Variants in HOMER2 observed in about 807,000 individuals in gnomAD.
The protein encoded by HOMER2 is homer scaffold protein 2.
A neutral mutation model predicts 47.0 loss-of-function variants in HOMER2; 27 were observed. The observed-to-expected ratio is 0.57, with a 90% CI of 0.42 to 0.79. The LOEUF is 0.79. HOMER2 is among the 30% of genes least tolerant of loss of function. The pLI is 0.00. For missense variants in HOMER2, 443 were observed against 435.0 expected (o/e 1.02, Z -0.16); for synonymous variants, 161 against 163.8 (o/e 0.98, Z 0.13).
At chr15:82,858,231 G>T (rs891489038) in intron 5 of HOMER2, among the ~76,000 whole-genome samples, 2 of 151,908 alleles carry the variant, frequency 1.3e-5, no homozygotes, top group Non-Finnish European at 2.9e-5. Flanking sequence ...AGTTTTGTGT[G>T]ATTTCATATT....
At chr15:82,873,164 C>A (rs1198028089) in intron 3 of HOMER2, among the ~76,000 whole-genome samples, 1 of 152,186 alleles carries the variant, frequency 6.6e-6, no homozygotes, top group African/African-American at 2.4e-5. Flanking sequence ...CCCGGCCCTG[C>A]TGAGCATCCT....
chr15:82,907,412 A>G (rs1329258402), intron 1 of HOMER2, among the ~76,000 whole-genome samples: 1 of 150,410 alleles, frequency 6.6e-6, no homozygotes, highest in Non-Finnish European at 1.5e-5. Context: ...AGAGAAGGAA[A>G]GAAAGAAAGA....
At chr15:82,867,136 G>C (rs1254750597) in intron 3 of HOMER2, among the ~76,000 whole-genome samples, 1 of 152,042 alleles carries the variant, frequency 6.6e-6, no homozygotes, top group Non-Finnish European at 1.5e-5. Context: ...CAAACCTGTA[G>C]CATGATAAAT....
intron 3 of HOMER2, among the ~76,000 whole-genome samples, chr15:82,875,071 G>T (rs547600983): frequency 6.6e-6 from 1 of 152,160 alleles, no homozygotes; most frequent in Non-Finnish European, 1.5e-5. Context: ...TGTTAGATAC[G>T]AATTTCCCTT....
At chr15:82,926,825 T>C (rs1295923599) in intron 1 of HOMER2, among the ~76,000 whole-genome samples, 1 of 152,116 alleles carries the variant, frequency 6.6e-6, no homozygotes, top group Admixed American at 6.5e-5. Context: ...TTCCACCCTT[T>C]TTTCTCTCTC....
At chr15:82,917,818 A>G (rs1024319138) in intron 1 of HOMER2, among the ~76,000 whole-genome samples, 3 of 152,198 alleles carry the variant, frequency 2.0e-5, no homozygotes, top group African/African-American at 7.2e-5. Context: ...TTGGCTTTAA[A>G]ATTATATCAC....
rs1209302213 is a variant in HOMER2, at chr15:82,913,782, G to T, written c.6-20941C>A. On this transcript the variant is annotated intron_variant, in intron 1 of 8. Transcript: ENST00000450735. This position sits in a 1 kb window ranked among gnomAD's most constrained non-coding sequence, Gnocchi z 4.1. The stretch of plus-strand genomic sequence containing the variant: ...ATTCTCAGGTGCCATCTCTTTTCTG[G>T]TCATTTATTTAAAACGTGTACAGGG... Among the ~76,000 whole-genome samples the T allele has an allele frequency of 2.0e-5, 3 of 152,066 alleles. No homozygotes were observed. The highest frequency in any genetic ancestry group is 7.2e-5 in the African/African-American group (3 of 41,398).
chr15:82,839,481 T>C (rs2051155160), exon 2 of HOMER2: 1 of 152,232 alleles, frequency 6.6e-6, no homozygotes, highest in African/African-American at 2.4e-5. Flanking sequence ...ATACAAAGGA[T>C]TTCTGAAAGA....
chr15:82,945,750 C>T (rs577480291), intron 1 of HOMER2, among the ~76,000 whole-genome samples: 120 of 152,108 alleles, frequency 7.9e-4, no homozygotes, highest in African/African-American at 2.8e-3. Context: ...GCGGGCAAAT[C>T]ACGAGGTCAG....
At chr15:82,853,594 C>T (rs1274072444) in intron 6 of HOMER2, among the ~76,000 whole-genome samples, 1 of 152,150 alleles carries the variant, frequency 6.6e-6, no homozygotes, top group African/African-American at 2.4e-5. Flanking sequence ...CCCCCTAAAA[C>T]CCTGCACTGA....
At chr15:82,957,218 A>C (rs1205096023), upstream of HOMER2, among the ~76,000 whole-genome samples, 1 of 151,844 alleles carries the variant, frequency 6.6e-6, no homozygotes, top group Non-Finnish European at 1.5e-5. Context: ...CAGAGGTTGC[A>C]GTGAGCCAAG....
intron 1 of HOMER2, chr15:82,951,907 G>T: frequency 6.8e-6 from 2 of 293,952 alleles, no homozygotes; most frequent in Non-Finnish European, 1.0e-5. Context: ...CGAGGGGAAA[G>T]CTTAAATTAC....
At chr15:82,982,071 A>G (rs1249466642) in intron 1 of HOMER2, among the ~76,000 whole-genome samples, 1 of 152,232 alleles carries the variant, frequency 6.6e-6, no homozygotes, top group Non-Finnish European at 1.5e-5. Context: ...GTCTACAATG[A>G]GTAGAAAAAA....
chr15:82,905,666 T>C (rs2053266032), intron 1 of HOMER2, among the ~76,000 whole-genome samples: 1 of 152,156 alleles, frequency 6.6e-6, no homozygotes, highest in Admixed American at 6.5e-5. Flanking sequence ...GAGTAAAATA[T>C]ATACTGTTAA....
At chr15:82,835,778 A>C (rs559925571), downstream of HOMER2, 6 of 152,444 alleles carry the variant, frequency 3.9e-5, no homozygotes, top group African/African-American at 1.2e-4. Flanking sequence ...CATCAGGTCC[A>C]GATCCCAGAG....
At chr15:82,922,976 A>G (rs2053769174) in intron 1 of HOMER2, among the ~76,000 whole-genome samples, 1 of 152,074 alleles carries the variant, frequency 6.6e-6, no homozygotes, top group South Asian at 2.1e-4. Context: ...GCAAAGTGCA[A>G]ATTGGTCACC....
intron 1 of HOMER2, among the ~76,000 whole-genome samples, chr15:82,925,061 G>T (rs1441831281): frequency 6.6e-6 from 1 of 152,080 alleles, no homozygotes; most frequent in Non-Finnish European, 1.5e-5. Flanking sequence ...GGGTAAACAG[G>T]TTCATCCTTA....
intron 5 of HOMER2, among the ~76,000 whole-genome samples, chr15:82,855,718 C>G (rs538941637): frequency 6.6e-6 from 1 of 152,202 alleles, no homozygotes; most frequent in Non-Finnish European, 1.5e-5. Context: ...TGGCCCATAT[C>G]CCCCCGGGGT....
At chr15:82,901,017 T>C (rs758720184) in intron 1 of HOMER2, among the ~76,000 whole-genome samples, 4 of 152,222 alleles carry the variant, frequency 2.6e-5, no homozygotes, top group African/African-American at 7.2e-5. Context: ...TTAATGACAC[T>C]ACCTTATTTC....
Sources: allele counts gnomAD v4.1 joint callset (sites outside exome capture counted in the v4.1 genomes callset), GRCh38; gene constraint gnomAD v4.1.1; non-coding constraint Gnocchi (gnomAD v3.1); transcripts MANE v1.5; gene names NCBI Gene and HGNC (gene_info 2026-07-23, HGNC 2026-07-21).